The following RANBP9 variants were observed in gnomAD, a reference collection of about 807,000 sequenced individuals.
The protein encoded by RANBP9 is ran-binding protein 9.
Under a neutral mutation model 84.3 loss-of-function variants are expected in RANBP9, and 15 were observed. That is an observed-to-expected ratio of 0.18 (90% confidence interval 0.12 to 0.27). The LOEUF (loss-of-function observed/expected upper bound fraction) is 0.27, where lower values mean the gene tolerates loss of function less well. Among genes scored for constraint, RANBP9 ranks in the 10% least tolerant of loss-of-function variants. The pLI is 1.00. For missense variants in RANBP9, 809 were observed against 912.8 expected, an observed-to-expected ratio of 0.89 and a Z score of 1.46; for synonymous variants, 392 against 349.6, an observed-to-expected ratio of 1.12 and a Z score of -1.35.
rs115927396 is a variant in RANBP9, at chr6:13,642,444, A to T, written c.1225+35T>A. 2.6e-3 allele frequency: 3,303 copies of T among 1,252,378 alleles called. 72 individuals carry two copies. In the African/African-American group the frequency reaches 0.045, roughly 17 times the overall value. The allele number at this position is 1,252,378 out of a possible 1,614,324, so 77.6% of individuals were successfully genotyped here. A position where few individuals can be genotyped will look rare whatever the true frequency, so the allele number is the denominator to read the frequency against. Reference sequence around the variant, plus strand: ...TAAAGTAACCAAATCTATAATCTGAAAACAAATGTTAGCCATGCACCACAG... The same window carrying T: ...TAAAGTAACCAAATCTATAATCTGATAACAAATGTTAGCCATGCACCACAG... On this transcript the variant is annotated intron_variant, in intron 7 of 13. Transcript: ENST00000011619.
intron 13 of RANBP9, among the ~76,000 whole-genome samples, chr6:13,624,307 C>A (rs1364846609): frequency 6.6e-6 from 1 of 152,164 alleles, no homozygotes; most frequent in African/African-American, 2.4e-5. Flanking sequence ...CTGTAAGAGT[C>A]CTGGCCCTCA....
At chr6:13,696,988 G>A in intron 1 of RANBP9, 92 bp from the exon 2 acceptor site, 1 of 1,031,672 alleles carries the variant, frequency 9.7e-7, no homozygotes, top group Non-Finnish European at 1.4e-6. Context: ...TAGGTTTTTG[G>A]AATGATGTAT....
At chr6:13,700,886 T>C (rs1757951493) in intron 1 of RANBP9, among the ~76,000 whole-genome samples, 1 of 152,172 alleles carries the variant, frequency 6.6e-6, no homozygotes, top group Non-Finnish European at 1.5e-5. Context: ...TTTTAAGGGG[T>C]TGCTCCAGCT....
At position 13,657,418 on chromosome 6, in the gene RANBP9, T is replaced by C. The variant is rs117074079; in HGVS notation, c.737-142A>G. 7.5e-4 allele frequency: 424 copies of C among 564,822 alleles called. 4 individuals carry two copies. The East Asian group carries it at 0.014, about 18-fold the overall frequency. The allele number at this position is 564,822 out of a possible 1,614,324, so 35.0% of individuals were successfully genotyped here. On this transcript the variant is annotated intron_variant, in intron 3 of 13. Transcript: ENST00000011619. ...CAATGTACATTTAAATTCTCAACAA[T>C]TACACTACATAATTTATTCTATATT...
At chr6:13,705,370 G>A (rs1758078082) in intron 1 of RANBP9, among the ~76,000 whole-genome samples, 2 of 115,872 alleles carry the variant, frequency 1.7e-5, no homozygotes, top group South Asian at 5.7e-4. Flanking sequence ...TGCCACCACT[G>A]CACTTCGGCC....
rs762760171 is a variant in RANBP9 at position 13,711,073 on chromosome 6, T to C, written c.433A>G (p.Lys145Glu). 9 of 1,582,062 alleles carry C rather than the reference T, an allele frequency of 5.7e-6. No individual in the cohort carries two copies. Among genetic ancestry groups the C allele is most frequent in the Admixed American group, 3.6e-5 (2 of 55,892 alleles). The change falls in exon 1 of 14, where the codon AAG becomes GAG. Residue 145 changes from lysine (K) to glutamate (E), a missense_variant. Physicochemically the swap from Lys to Glu is moderately conservative, Grantham distance 56. This residue lies in a region of RANBP9 where 302 missense variants were observed against 240.1 expected (regional missense o/e 1.26). Transcript: ENST00000011619. ...CGCTTCAGCCGCCGCTGCAACTCCT[T>C]CTCCTGCTCGTTCAGGGCCGAGTCC... ...HGDSALNEQE[K>E]ELQRRLKRLY...
At chr6:13,706,853 T>G (rs1005156636) in intron 1 of RANBP9, among the ~76,000 whole-genome samples, 1 of 151,446 alleles carries the variant, frequency 6.6e-6, no homozygotes, top group African/African-American at 2.4e-5. Context: ...AATACAAGAA[T>G]TAGCCGGACG....
chr6:13,621,499 CTG>C lies in RANBP9; in HGVS notation c.*861_*862del, dbSNP rs1298052107. The C allele has an allele frequency of 5.2e-5, 8 of 152,586 alleles. No homozygotes were observed. Among genetic ancestry groups the C allele is most frequent in the Non-Finnish European group, 1.0e-4 (7 of 68,036 alleles). The allele number at this position is 152,586 out of a possible 1,614,324, so 9.5% of individuals were successfully genotyped here. On this transcript the variant is annotated 3_prime_UTR_variant, in exon 14 of 14. Transcript: ENST00000011619. ...TATATAAACTCAATTGACACTGTATCTGTAGAAGTAAATTTTTAATGGCTGGT... is the reference window on the plus strand; with the variant it reads ...TATATAAACTCAATTGACACTGTATCTAGAAGTAAATTTTTAATGGCTGGT...
rs3842123 is a variant in RANBP9 at position 13,622,919 on chromosome 6, CTG to C, written c.2060-429_2060-428del. ...TTTCCACTGATGGGTTCTTCCACCT[CTG>C]TGGATAGGACCAAACAGGCTGCCTA... On this transcript the variant is annotated intron_variant, in intron 13 of 13. Transcript: ENST00000011619. Among the ~76,000 whole-genome samples, 33 of 152,310 alleles carry C rather than the reference CTG, an allele frequency of 2.2e-4. No individual in the cohort carries two copies. The East Asian group carries it at 6.4e-3, about 29-fold the overall frequency.
At chr6:13,634,681 G>T in intron 10 of RANBP9, 129 bp from the exon 11 acceptor site, 2 of 912,650 alleles carry the variant, frequency 2.2e-6, no homozygotes, top group South Asian at 2.6e-5. Context: ...CTGCAAAAAA[G>T]GTATTTAGTT....
intron 2 of RANBP9, among the ~76,000 whole-genome samples, chr6:13,680,507 G>A (rs1766009667): frequency 1.3e-5 from 2 of 152,142 alleles, no homozygotes; most frequent in African/African-American, 4.8e-5. Flanking sequence ...GGAAGCTGAG[G>A]TGGGAAGATC....
chr6:13,697,235 G>A (rs910342846), intron 1 of RANBP9, among the ~76,000 whole-genome samples: 1 of 152,140 alleles, frequency 6.6e-6, no homozygotes, highest in African/African-American at 2.4e-5. Flanking sequence ...GAACATGAGA[G>A]AAAGATCTCA....
chr6:13,632,264 T>A (rs1764808506), intron 12 of RANBP9, 106 bp downstream of exon 12: 3 of 1,156,620 alleles, frequency 2.6e-6, no homozygotes. Context: ...GAAGGTCAGG[T>A]CCCAGTTCCC....
intron 2 of RANBP9, among the ~76,000 whole-genome samples, chr6:13,684,050 T>A (rs996456438): frequency 1.3e-5 from 2 of 152,172 alleles, no homozygotes; most frequent in African/African-American, 4.8e-5. Flanking sequence ...TCCATAAATA[T>A]TGACTATCTA....
At chr6:13,679,731 A>C (rs2113325668) in intron 2 of RANBP9, among the ~76,000 whole-genome samples, 1 of 152,296 alleles carries the variant, frequency 6.6e-6, no homozygotes, top group East Asian at 1.9e-4. Context: ...AAACTGATTT[A>C]CATTTCAATT....
intron 5 of RANBP9, among the ~76,000 whole-genome samples, chr6:13,652,298 T>TGC (rs1273298090): frequency 6.6e-6 from 1 of 152,236 alleles, no homozygotes; most frequent in Non-Finnish European, 1.5e-5. Context: ...GCACTTTACC[T>TGC]GCCACATAGT....
intron 1 of RANBP9, among the ~76,000 whole-genome samples, chr6:13,698,143 A>G (rs1292388912): frequency 6.6e-6 from 1 of 151,112 alleles, no homozygotes; most frequent in African/African-American, 2.4e-5. Context: ...ACATGTTCAC[A>G]CCCCCCACTC....
intron 1 of RANBP9, among the ~76,000 whole-genome samples, chr6:13,705,820 G>A (rs1758097301): frequency 1.5e-5 from 2 of 137,768 alleles, no homozygotes; most frequent in African/African-American, 5.6e-5. Context: ...CGGAGATCGC[G>A]CCACTGCCCT....
In RANBP9 at chr6:13,711,750, G is replaced by T. The variant is rs1335053451; in HGVS notation, c.-245C>A. Among the ~76,000 whole-genome samples, 1 of 147,612 alleles carries T rather than the reference G, an allele frequency of 6.8e-6. No individual in the cohort carries two copies. Among genetic ancestry groups the T allele is most frequent in the Non-Finnish European group, 1.5e-5 (1 of 66,416 alleles). ...GAGCGCGGGCGCGCGGCCCGGGGAC[G>T]AGGCGCCGAGGGCGGGGGCGACGCG... is the stretch of plus-strand genomic sequence containing the variant. On this transcript the variant is annotated 5_prime_UTR_variant, in exon 1 of 14. Transcript: ENST00000011619.
Sources: allele counts gnomAD v4.1 joint callset (sites outside exome capture counted in the v4.1 genomes callset), GRCh38; gene constraint gnomAD v4.1.1; regional missense constraint gnomAD v4.1.1; transcripts MANE v1.5; gene names NCBI Gene and HGNC (gene_info 2026-07-23, HGNC 2026-07-21).